LRRFIP2: variants seen among roughly 807,000 people sequenced by gnomAD.
LRRFIP2 encodes the protein LRR binding FLII interacting protein 2.
A neutral mutation model predicts 125.9 loss-of-function variants in LRRFIP2; 109 were observed. The ratio of observed to expected loss-of-function variants is 0.87; its 90% confidence interval spans 0.74 to 1.01. The LOEUF is 1.01. Ranked by LOEUF, LRRFIP2 falls within the 50% of genes least tolerant of loss-of-function variation. The probability of loss-of-function intolerance (pLI) is 0.00; values close to 1 mark genes in which losing one functional copy is unlikely to be tolerated. For missense variants in LRRFIP2, 850 were observed against 862.3 expected (o/e 0.99, Z 0.18); for synonymous variants, 291 against 293.1 (o/e 0.99, Z 0.07).
chr3:37,131,449 T>C (rs1459133681), intron 2 of LRRFIP2, among the ~76,000 whole-genome samples: 1 of 151,904 alleles, frequency 6.6e-6, no homozygotes, highest in Non-Finnish European at 1.5e-5. Context: ...AAAAAACAAA[T>C]GAATTGCAGG....
intron 18 of LRRFIP2, among the ~76,000 whole-genome samples, chr3:37,089,870 G>A (rs2093326223): frequency 6.6e-6 from 1 of 152,296 alleles, no homozygotes; most frequent in South Asian, 2.1e-4. Flanking sequence ...ATTAAATCCT[G>A]AAGATTAAAG....
chr3:37,065,520 T>G, intron 23 of LRRFIP2: 1 of 545,300 alleles, frequency 1.8e-6, no homozygotes, highest in East Asian at 4.5e-5. Context: ...CTAGACTATC[T>G]CTTTGCAGAA....
intron 1 of LRRFIP2, among the ~76,000 whole-genome samples, chr3:37,159,985 T>G (rs1440351615): frequency 3.6e-5 from 3 of 83,790 alleles, no homozygotes; most frequent in African/African-American, 1.0e-4. Context: ...GTAAGCCCTA[T>G]GCGCAAAAAA....
chr3:37,144,335 C>T (rs376832903), intron 2 of LRRFIP2, among the ~76,000 whole-genome samples: 6 of 152,192 alleles, frequency 3.9e-5, no homozygotes, highest in South Asian at 4.1e-4. Context: ...TTCTTCCTAA[C>T]ATTTTAAAGA....
chr3:37,094,851 G>A lies in LRRFIP2; in HGVS notation c.976C>T (p.Arg326Ter). The change falls in exon 17 of 28, where the codon CGA becomes TGA. Residue 326 changes from arginine (R) to a stop codon, truncating the protein, a stop_gained. Coordinates refer to ENST00000336686, the MANE Select transcript of LRRFIP2 (RefSeq NM_006309.4). LOFTEE classifies it high-confidence loss of function. ...TTPLSGNSSR[R>*]GSGDTSSLID... ...AAGCTGCTGGTGTCCCCACTTCCTC[G>A]TCTGGATGAGTTTCCACTTAGAGGG... 6.2e-7 allele frequency: 1 copy of A among 1,613,930 alleles called. No homozygotes were observed. The highest frequency in any genetic ancestry group is 8.5e-7 in the Non-Finnish European group (1 of 1,179,872).
intron 1 of LRRFIP2, among the ~76,000 whole-genome samples, chr3:37,171,343 G>C (rs1397716869): frequency 6.6e-6 from 1 of 152,128 alleles, no homozygotes; most frequent in Non-Finnish European, 1.5e-5. Flanking sequence ...GGTTCTGTCA[G>C]GCAAGCTTTG....
intron 1 of LRRFIP2, among the ~76,000 whole-genome samples, chr3:37,163,303 T>C (rs1425026889): frequency 2.0e-5 from 3 of 152,244 alleles, no homozygotes; most frequent in African/African-American, 4.8e-5. Flanking sequence ...TGGCAGAGAT[T>C]GGCTCATTGT....
intron 6 of LRRFIP2, 99 bp downstream of exon 6, chr3:37,121,393 G>T: frequency 2.7e-6 from 3 of 1,121,698 alleles, no homozygotes; most frequent in Non-Finnish European, 4.0e-6. Flanking sequence ...TTTTAAAAAC[G>T]CAAAGAAATA....
chr3:37,134,802 G>A lies in LRRFIP2; in HGVS notation c.91-5653C>T, dbSNP rs940254168. On this transcript the variant is annotated intron_variant, in intron 2 of 27. Transcript: ENST00000336686. ...TAATGACAGCCCATATCAAAGCGGT[G>A]TATTCTTTTTGGCAATTCATTTTCC... 8 of 849,238 alleles carry A rather than the reference G, an allele frequency of 9.4e-6. No homozygotes were observed. In the African/African-American group the frequency reaches 1.0e-4, roughly 11 times the overall value. The allele number at this position is 849,238 out of a possible 1,614,324, so 52.6% of individuals were successfully genotyped here.
chr3:37,167,400 A>T (rs2096520649), intron 1 of LRRFIP2, among the ~76,000 whole-genome samples: 2 of 152,110 alleles, frequency 1.3e-5, no homozygotes. Context: ...TCACGCCTGT[A>T]ATCCCAGCAC....
At chr3:37,055,251 G>A (rs939900279) in intron 25 of LRRFIP2, 86 bp from the exon 26 acceptor site, 22 of 748,044 alleles carry the variant, frequency 2.9e-5, no homozygotes, top group Non-Finnish European at 3.9e-5. Flanking sequence ...GGCACAGAGA[G>A]GACCATGCAG....
At chr3:37,165,437 G>A (rs2096456408) in intron 1 of LRRFIP2, among the ~76,000 whole-genome samples, 1 of 146,818 alleles carries the variant, frequency 6.8e-6, no homozygotes, top group Non-Finnish European at 1.5e-5. Flanking sequence ...AAAGGTTGGG[G>A]ACCACTGCCT....
intron 6 of LRRFIP2, among the ~76,000 whole-genome samples, chr3:37,116,536 AT>A (rs543027436): frequency 1.1e-3 from 170 of 152,342 alleles, no homozygotes; most frequent in Admixed American, 3.2e-3. Context: ...TGTTTCAATA[AT>A]GTATTTTCTA....
upstream of LRRFIP2, among the ~76,000 whole-genome samples, chr3:37,175,536 GTAACT>G (rs2096648077): frequency 6.6e-6 from 1 of 152,174 alleles, no homozygotes; most frequent in East Asian, 1.9e-4. Context: ...CTGGAGTTCT[GTAACT>G]TAACAATCTG....
At chr3:37,112,828 T>C (rs780360816) in intron 8 of LRRFIP2, 87 bp downstream of exon 8, 11 of 645,790 alleles carry the variant, frequency 1.7e-5, no homozygotes, top group Non-Finnish European at 2.6e-5. Flanking sequence ...GTTTCAATAA[T>C]GTCCTAGTAG....
At chr3:37,169,663 G>C (rs2096558453) in intron 1 of LRRFIP2, among the ~76,000 whole-genome samples, 1 of 152,158 alleles carries the variant, frequency 6.6e-6, no homozygotes, top group Non-Finnish European at 1.5e-5. Flanking sequence ...TTCTACTTAG[G>C]AAAGTGGGCA....
rs201036357 is a variant in LRRFIP2 at position 37,096,613 on chromosome 3, C to T, written c.918+3G>A. On this transcript the variant is annotated splice_donor_region_variant and intron_variant, in intron 16 of 27. Coordinates refer to ENST00000336686, the MANE Select transcript of LRRFIP2 (RefSeq NM_006309.4). ...AATTTCCCTTAGGAATTTACATACT[C>T]ACTCTTGTATAATTTTCAGCATACT... 9 of 1,540,648 alleles carry T rather than the reference C, an allele frequency of 5.8e-6. No homozygotes were observed. The Admixed American group carries it at 1.6e-4, about 28-fold the overall frequency.
intron 15 of LRRFIP2, among the ~76,000 whole-genome samples, chr3:37,101,111 A>G (rs2094013530): frequency 1.3e-5 from 2 of 152,180 alleles, no homozygotes; most frequent in Admixed American, 6.5e-5. Flanking sequence ...TAATCTCAGC[A>G]CTTTGGGAGG....
upstream of LRRFIP2, chr3:37,176,360 C>G (rs1173268229): frequency 6.6e-6 from 1 of 152,278 alleles, no homozygotes; most frequent in Non-Finnish European, 1.5e-5. Flanking sequence ...GGGTCGACGA[C>G]CCACTCACCC....
Sources: gnomAD v4.1 joint callset for allele counts (sites outside exome capture counted in the v4.1 genomes callset) on GRCh38, gnomAD v4.1.1 for gene constraint, MANE v1.5 for transcripts, NCBI Gene and HGNC (gene_info 2026-07-23, HGNC 2026-07-21) for gene names.